The following SS18 variants were observed in gnomAD, a reference collection of about 807,000 sequenced individuals.
The protein encoded by SS18 is SS18 subunit of BAF chromatin remodeling complex.
A neutral mutation model predicts 72.5 loss-of-function variants in SS18; 28 were observed. The ratio of observed to expected loss-of-function variants is 0.39; its 90% CI spans 0.29 to 0.53. SS18 has a LOEUF of 0.53. SS18 is among the 20% of genes least tolerant of loss of function. The pLI is 0.76. For missense variants in SS18, 518 were observed against 535.3 expected, an observed-to-expected ratio of 0.97 and a Z score of 0.32; for synonymous variants, 172 against 164.2, an observed-to-expected ratio of 1.05 and a Z score of -0.37.
At chr18:26,043,269 T>C (rs185814034) in intron 5 of SS18, among the ~76,000 whole-genome samples, 25 of 152,240 alleles carry the variant, frequency 1.6e-4, no homozygotes, top group Admixed American at 1.2e-3. Flanking sequence ...CAAATTCAAA[T>C]TGTACTTTTC....
At chr18:26,075,835 G>A (rs1202914585) in intron 3 of SS18, among the ~76,000 whole-genome samples, 3 of 151,860 alleles carry the variant, frequency 2.0e-5, no homozygotes, top group Non-Finnish European at 4.4e-5. Context: ...AAAACTGAAA[G>A]CATCTACAGA....
intron 5 of SS18, among the ~76,000 whole-genome samples, chr18:26,045,493 C>A (rs1375395351): frequency 6.6e-6 from 1 of 152,130 alleles, no homozygotes; most frequent in African/African-American, 2.4e-5. Flanking sequence ...TGCTCACCAC[C>A]CTAAAATGGC....
intron 5 of SS18, among the ~76,000 whole-genome samples, chr18:26,046,226 AAGG>A (rs2053821256): frequency 7.1e-6 from 1 of 141,604 alleles, no homozygotes; most frequent in South Asian, 2.1e-4. Flanking sequence ...TAGAAAAAAA[AAGG>A]AAAAAAAAAG....
intron 3 of SS18, among the ~76,000 whole-genome samples, chr18:26,071,036 C>T (rs543537682): frequency 2.5e-4 from 38 of 152,090 alleles, no homozygotes; most frequent in Middle Eastern, 3.4e-3. Context: ...GAAAAATGAA[C>T]TGGAAAACTG....
At chr18:26,018,436 G>T in intron 10 of SS18, 56 bp from the exon 11 acceptor site, 1 of 1,325,186 alleles carries the variant, frequency 7.5e-7, no homozygotes, top group East Asian at 2.5e-5. Flanking sequence ...AACAGGCAAA[G>T]AAGATTACAA....
At chr18:26,061,039 C>A (rs1421357060) in intron 3 of SS18, among the ~76,000 whole-genome samples, 2 of 151,036 alleles carry the variant, frequency 1.3e-5, no homozygotes, top group Admixed American at 6.6e-5. Flanking sequence ...TAAGGCTGGA[C>A]ACGGTGGCCC....
chr18:26,086,669 T>A (rs549327172), intron 2 of SS18, among the ~76,000 whole-genome samples: 1 of 152,326 alleles, frequency 6.6e-6, no homozygotes, highest in East Asian at 1.9e-4. Context: ...TCAGATTCTA[T>A]TAGGGCATAT....
chr18:26,087,564 T>C lies in SS18; in HGVS notation c.83A>G (p.Asn28Ser). The C allele has an allele frequency of 6.3e-7, 1 of 1,585,306 alleles. No homozygotes were observed. The highest frequency in any genetic ancestry group is 8.6e-7 in the Non-Finnish European group (1 of 1,158,910). ...PAAIQKMLDD[N>S]NHLIQCIMDS... The stretch of plus-strand genomic sequence containing the variant: ...CATTATACACTGAATAAGATGGTTA[T>C]TGTCATCCAACATCTGAAACAGAAT... Residue 28 changes from asparagine to serine, a missense_variant, in exon 2 of 11, where the codon AAT becomes AGT. By Grantham distance (46) the Asn-to-Ser change is conservative. Coordinates refer to ENST00000415083, the MANE Select transcript of SS18 (RefSeq NM_001007559.3).
At chr18:26,027,089 C>T (rs1261782760) in intron 10 of SS18, among the ~76,000 whole-genome samples, 1 of 152,160 alleles carries the variant, frequency 6.6e-6, no homozygotes, top group Non-Finnish European at 1.5e-5. Context: ...AACTGACAAG[C>T]TGATTCTAAA....
At chr18:26,071,312 A>C (rs918749890) in intron 3 of SS18, among the ~76,000 whole-genome samples, 2 of 152,230 alleles carry the variant, frequency 1.3e-5, no homozygotes, top group African/African-American at 4.8e-5. Context: ...AAATAAATTT[A>C]AGAAAACAGA....
At chr18:26,085,690 GAC>G (rs1436203247) in intron 2 of SS18, among the ~76,000 whole-genome samples, 1 of 152,198 alleles carries the variant, frequency 6.6e-6, no homozygotes, top group Non-Finnish European at 1.5e-5. Flanking sequence ...AAGGAGATAA[GAC>G]AGTGGCATGT....
chr18:26,038,470 T>C, intron 7 of SS18, 85 bp downstream of exon 7: 1 of 1,240,586 alleles, frequency 8.1e-7, no homozygotes. Context: ...AGTTTCTTCG[T>C]CCTCACTGAA....
intron 5 of SS18, among the ~76,000 whole-genome samples, chr18:26,045,674 T>G (rs926170754): frequency 6.6e-6 from 1 of 152,096 alleles, no homozygotes; most frequent in African/African-American, 2.4e-5. Flanking sequence ...TAAAACCTTA[T>G]AGTGTTCACT....
intron 10 of SS18, among the ~76,000 whole-genome samples, chr18:26,019,746 G>A (rs778883723): frequency 2.2e-4 from 30 of 136,702 alleles, no homozygotes; most frequent in Non-Finnish European, 4.6e-5. Flanking sequence ...AGAAGGCGGA[G>A]GTTGCACTGC....
intron 7 of SS18, 106 bp from the exon 8 acceptor site, chr18:26,036,029 T>C: frequency 1.3e-6 from 1 of 766,606 alleles, no homozygotes; most frequent in Non-Finnish European, 2.1e-6. Flanking sequence ...GAAAAAGAAA[T>C]GGAACATAAA....
chr18:26,090,511 G>A lies in SS18; in HGVS notation c.59C>T (p.Ala20Val), dbSNP rs1330771270. ...QRGKGEITPA[A>V]IQKMLDDNNH... is the part of the protein sequence containing the mutation. ...CCCGCGCGGTTTCACCTTCTGAATCGCAGCGGGAGTGATCTCCCCCTTGCC... is the reference window on the plus strand; with the variant it reads ...CCCGCGCGGTTTCACCTTCTGAATCACAGCGGGAGTGATCTCCCCCTTGCC... The change falls in exon 1 of 11, where the codon GCG becomes GTG. Residue 20 changes from alanine to valine, a missense_variant. Transcript: ENST00000415083. The A allele has an allele frequency of 6.3e-7, 1 of 1,578,300 alleles. No homozygotes were observed. The highest frequency in any genetic ancestry group is 1.2e-5 in the South Asian group (1 of 85,834).
Position 26,057,715 on chromosome 18 carries a change from G to T in SS18, c.259C>A (p.Pro87Thr). The T allele has an allele frequency of 6.2e-7, 1 of 1,613,814 alleles. No homozygotes were observed. The highest frequency in any genetic ancestry group is 8.5e-7 in the Non-Finnish European group (1 of 1,179,896). The change falls in exon 4 of 11, where the codon CCT becomes ACT. Residue 87 changes from proline to threonine, a missense_variant. Pro to Thr is a conservative substitution (Grantham distance 38). Transcript: ENST00000415083. ...GGGCCGCTCTGATTCATCCCTCCAG[G>T]ACCCATAGGCATATTCTGTGTGGGT... ...APPTQNMPMG[P>T]GGMNQSGPPP...
At position 26,062,296 on chromosome 18, in the gene SS18, C is replaced by T. The variant is rs78615743; in HGVS notation, c.232-4554G>A. 8.0e-4 allele frequency among the ~76,000 whole-genome samples: 121 copies of T among 152,080 alleles called. 1 individual carries two copies. The highest frequency in any genetic ancestry group is 2.8e-3 in the African/African-American group (117 of 41,496). ...GACAGCGAGATAAATGAAATTAAACCGTTATAAGGTTCTTGTATTTTTCAA... is the reference window on the plus strand; with the variant it reads ...GACAGCGAGATAAATGAAATTAAACTGTTATAAGGTTCTTGTATTTTTCAA... On this transcript the variant is annotated intron_variant, in intron 3 of 10. Transcript: ENST00000415083.
chr18:26,024,270 T>C (rs1490047623), intron 10 of SS18, among the ~76,000 whole-genome samples: 3 of 152,218 alleles, frequency 2.0e-5, no homozygotes, highest in Non-Finnish European at 4.4e-5. Flanking sequence ...TGACTGCTAA[T>C]AGGTATACAG....
Sources: gnomAD v4.1 joint callset for allele counts (sites outside exome capture counted in the v4.1 genomes callset) on GRCh38, gnomAD v4.1.1 for gene constraint, MANE v1.5 for transcripts, NCBI Gene and HGNC (gene_info 2026-07-23, HGNC 2026-07-21) for gene names.